PARP6: variants seen among roughly 807,000 people sequenced by gnomAD.
The protein encoded by PARP6 is poly(ADP-ribose) polymerase family member 6, also known as protein mono-ADP-ribosyltransferase PARP6.
A neutral mutation model predicts 92.0 loss-of-function variants in PARP6; 27 were observed. The observed-to-expected ratio is 0.29, with a 90% CI of 0.22 to 0.40. The LOEUF is 0.40. PARP6 is among the 10% of genes least tolerant of loss of function. The probability of loss-of-function intolerance (pLI) is 1.00; values close to 1 mark genes in which losing one functional copy is unlikely to be tolerated. For synonymous variants in PARP6, 272 were observed against 281.2 expected (o/e 0.97, Z 0.33); for missense variants, 501 against 784.5 (o/e 0.64, Z 4.32).
rs1042460966 is a variant in PARP6 at position 72,253,575 on chromosome 15, A to T, written c.1192-71T>A. On this transcript the variant is annotated intron_variant, in intron 15 of 23. Transcript: ENST00000569795. The stretch of plus-strand genomic sequence containing the variant: ...CCTACCTGCTTTCTGCTTTTCACAG[A>T]GTGACTATTAGGGTCCAGGGCAAGG... 7.0e-6 allele frequency: 9 copies of T among 1,293,930 alleles called. No homozygotes were observed. In the African/African-American group the frequency reaches 1.3e-4, roughly 19 times the overall value. 80.2% of individuals were successfully genotyped at this position (1,293,930 alleles called of 1,614,324 possible). A position where few individuals can be genotyped will look rare whatever the true frequency, so the allele number is the denominator to read the frequency against.
chr15:72,251,965 G>C (rs1195054360), intron 16 of PARP6, among the ~76,000 whole-genome samples: 3 of 152,228 alleles, frequency 2.0e-5, no homozygotes, highest in Non-Finnish European at 4.4e-5. Flanking sequence ...TGCCACCTCA[G>C]ATGGTCTATG....
At chr15:72,267,757 C>CTTT in intron 2 of PARP6, 86 bp from the exon 3 acceptor site, 5 of 309,400 alleles carry the variant, frequency 1.6e-5, no homozygotes, top group South Asian at 7.8e-5. Context: ...TATCAATACA[C>CTTT]TTTTTTTTTT....
At chr15:72,268,897 CCA>C (rs1433147482) in intron 2 of PARP6, among the ~76,000 whole-genome samples, 1 of 152,110 alleles carries the variant, frequency 6.6e-6, no homozygotes, top group South Asian at 2.1e-4. Context: ...GCTTCTAATC[CCA>C]CAGACTCCTA....
Position 72,253,495 on chromosome 15 carries a change from A to G in PARP6, c.1201T>C (p.Leu401=). The change falls in exon 16 of 24, where the codon TTG becomes CTG. Residue 401 remains leucine, a synonymous_variant. Transcript: ENST00000569795. ...SIREMTQGSY[L]EIKKQMDKLD... is the part of the protein sequence containing the mutation. ...TTGTCCATCTGTTTCTTGATTTCCAAATATGAGCCCTGTAAGACAATGGCC... is the reference window on the plus strand; with the variant it reads ...TTGTCCATCTGTTTCTTGATTTCCAGATATGAGCCCTGTAAGACAATGGCC... 1 of 1,613,730 alleles carries G rather than the reference A, an allele frequency of 6.2e-7. No individual in the cohort carries two copies. Among genetic ancestry groups the G allele is most frequent in the Non-Finnish European group, 8.5e-7 (1 of 1,179,640 alleles).
intron 8 of PARP6, among the ~76,000 whole-genome samples, chr15:72,262,627 C>T (rs552738885): frequency 6.6e-6 from 1 of 152,288 alleles, no homozygotes; most frequent in Non-Finnish European, 1.5e-5. Flanking sequence ...CCACTCACCT[C>T]CAAACTTTCT....
chr15:72,262,112 G>A (rs1283579817), intron 8 of PARP6, among the ~76,000 whole-genome samples: 2 of 152,170 alleles, frequency 1.3e-5, no homozygotes, highest in East Asian at 1.9e-4. Context: ...GACATAAGGG[G>A]TACTGACATT....
intron 18 of PARP6, chr15:72,250,434 A>C: frequency 3.2e-6 from 1 of 313,718 alleles, no homozygotes; most frequent in East Asian, 6.5e-5. Flanking sequence ...GACCCCAAAT[A>C]TGGCTTCCAG....
chr15:72,255,376 C>T (rs1185509586), intron 14 of PARP6, among the ~76,000 whole-genome samples: 1 of 152,100 alleles, frequency 6.6e-6, no homozygotes, highest in African/African-American at 2.4e-5. Flanking sequence ...CCTCAGCCTC[C>T]CAAGTAGCTG....
At chr15:72,258,759 C>T (rs1162460073) in intron 11 of PARP6, among the ~76,000 whole-genome samples, 1 of 152,204 alleles carries the variant, frequency 6.6e-6, no homozygotes, top group Non-Finnish European at 1.5e-5. Flanking sequence ...TTTTTAATGA[C>T]ACCCTGTCTT....
intron 9 of PARP6, 48 bp downstream of exon 9, chr15:72,261,510 G>A (rs755909704): frequency 6.5e-7 from 1 of 1,533,664 alleles, no homozygotes; most frequent in Non-Finnish European, 9.0e-7. Flanking sequence ...GTGGGGGTGG[G>A]GGCTATCACA....
At chr15:72,244,698 A>G (rs2083405506) in intron 20 of PARP6, 2 of 152,250 alleles carry the variant, frequency 1.3e-5, no homozygotes, top group Admixed American at 1.3e-4. Context: ...AACTACAGTA[A>G]GTGGAACATT....
At chr15:72,259,566 C>A (rs1567212008) in intron 11 of PARP6, 42 bp downstream of exon 11, 7 of 1,585,530 alleles carry the variant, frequency 4.4e-6, no homozygotes, top group South Asian at 1.1e-5. Context: ...ATGGGTCAGA[C>A]AACAGGGAAG....
At position 72,260,497 on chromosome 15, in the gene PARP6, G is replaced by C; in HGVS notation, c.737C>G (p.Pro246Arg). ...LCPQHVGLPP[P>R]ARTSPLVSGH... ...ATGTACCAAAGGAGAGGTCCGTGCT[G>C]GGGGAGGGAGGCCCACGTGCTGAGG... Residue 246 changes from proline to arginine, a missense_variant, in exon 10 of 24, where the codon CCA (proline) becomes CGA (arginine). Physicochemically the swap from Pro to Arg is moderately radical, Grantham distance 103. Transcript: ENST00000569795. The C allele has an allele frequency of 1.2e-6, 2 of 1,613,928 alleles. No homozygotes were observed. The highest frequency in any genetic ancestry group is 1.7e-6 in the Non-Finnish European group (2 of 1,179,778).
intron 7 of PARP6, among the ~76,000 whole-genome samples, 196 bp downstream of exon 7, chr15:72,264,885 A>G (rs1460506354): frequency 6.6e-6 from 1 of 152,268 alleles, no homozygotes; most frequent in Non-Finnish European, 1.5e-5. Context: ...GTCATTAGGC[A>G]AGAAGGCCTT....
intron 20 of PARP6, chr15:72,244,224 G>A (rs2083362275): frequency 6.6e-6 from 1 of 152,194 alleles, no homozygotes. Flanking sequence ...CTCCAGAGGA[G>A]GCACATAAAA....
At chr15:72,247,071 TTATTAC>T (rs1364427575) in intron 20 of PARP6, among the ~76,000 whole-genome samples, 1 of 152,180 alleles carries the variant, frequency 6.6e-6, no homozygotes, top group Non-Finnish European at 1.5e-5. Context: ...AAGTACACTT[TTATTAC>T]TAATCTTTTG....
At chr15:72,266,602 T>G in intron 4 of PARP6, 143 bp downstream of exon 4, 1 of 658,476 alleles carries the variant, frequency 1.5e-6, no homozygotes, top group Non-Finnish European at 2.7e-6. Flanking sequence ...CGGGATCAGC[T>G]CTGACAAGAC....
chr15:72,266,714 A>G (rs1567238816), intron 4 of PARP6, 31 bp downstream of exon 4: 3 of 1,532,600 alleles, frequency 2.0e-6, no homozygotes, highest in Non-Finnish European at 2.7e-6. Flanking sequence ...TAGACCATCC[A>G]ACACGGGGGT....
Position 72,254,335 on chromosome 15 carries a change from A to G in PARP6, c.1191+120T>C, listed in dbSNP as rs926919574. On this transcript the variant is annotated intron_variant, in intron 15 of 23. Coordinates refer to ENST00000569795, the MANE Select transcript of PARP6 (RefSeq NM_001323532.2). ...TTGGGAAGGTTAAAGAGGAAAGACTAAAAAAAAAATACAGTGCGTAGCATC... is the reference window on the plus strand; with the variant it reads ...TTGGGAAGGTTAAAGAGGAAAGACTGAAAAAAAAATACAGTGCGTAGCATC... 8.0e-5 allele frequency: 35 copies of G among 439,954 alleles called. 1 individual carries two copies. Among genetic ancestry groups the G allele is most frequent in the South Asian group, 5.8e-4 (17 of 29,234 alleles). 27.3% of individuals were successfully genotyped at this position (439,954 alleles called of 1,614,324 possible).
Sources: gnomAD v4.1 joint callset for allele counts (sites outside exome capture counted in the v4.1 genomes callset) on GRCh38, gnomAD v4.1.1 for gene constraint, MANE v1.5 for transcripts, NCBI Gene and HGNC (gene_info 2026-07-23, HGNC 2026-07-21) for gene names.